The following SMAD1 variants were observed in gnomAD, a reference collection of about 807,000 sequenced individuals.
SMAD1 encodes the protein SMAD family member 1, also known as MAD, mothers against decapentaplegic homolog 1.
A neutral mutation model predicts 41.6 loss-of-function variants in SMAD1; 6 were observed. The ratio of observed to expected loss-of-function variants is 0.14; its 90% CI spans 0.08 to 0.28. The LOEUF is 0.28. Among genes scored for constraint, SMAD1 ranks in the 10% least tolerant of loss-of-function variants. SMAD1 has a pLI of 1.00. For synonymous variants in SMAD1, 206 were observed against 203.2 expected, an observed-to-expected ratio of 1.01 and a Z score of -0.12; for missense variants, 379 against 582.6, an observed-to-expected ratio of 0.65 and a Z score of 3.60.
intron 1 of SMAD1, chr4:145,497,571 C>G (rs1314242955): frequency 6.6e-6 from 1 of 152,160 alleles, no homozygotes. Flanking sequence ...AAACGAAAGC[C>G]TTCTTAGTAG....
intron 2 of SMAD1, among the ~76,000 whole-genome samples, chr4:145,519,382 C>G (rs1730601828): frequency 7.1e-6 from 1 of 141,310 alleles, no homozygotes; most frequent in Non-Finnish European, 1.6e-5. Flanking sequence ...AGGCGTGAGC[C>G]ACTGAGCCCA....
At position 145,488,225 on chromosome 4, in the gene SMAD1, G is replaced by A. The variant is rs576548779; in HGVS notation, c.-177+6187G>A. Reference sequence around the variant, plus strand: ...GGATCTGAAGAAAGAACATACAATTGTTAATTATGCATGTATATGCTTTTG... The same window carrying A: ...GGATCTGAAGAAAGAACATACAATTATTAATTATGCATGTATATGCTTTTG... On this transcript the variant is annotated intron_variant, in intron 1 of 6. Transcript: ENST00000302085. Among the ~76,000 whole-genome samples, 3 of 152,022 alleles carry A rather than the reference G, an allele frequency of 2.0e-5. No homozygotes were observed. In the East Asian group the frequency reaches 5.8e-4, roughly 29 times the overall value.
intron 6 of SMAD1, among the ~76,000 whole-genome samples, chr4:145,556,374 A>G (rs1421444571): frequency 1.3e-5 from 2 of 152,212 alleles, no homozygotes; most frequent in African/African-American, 4.8e-5. Context: ...GCATGAGTGT[A>G]CATACATCTA....
At chr4:145,524,467 C>G (rs955558398) in intron 2 of SMAD1, among the ~76,000 whole-genome samples, 3 of 151,984 alleles carry the variant, frequency 2.0e-5, no homozygotes, top group African/African-American at 7.3e-5. Flanking sequence ...TGTTATACAT[C>G]GATGGAAGCA....
chr4:145,522,168 C>T (rs959332260), intron 2 of SMAD1, among the ~76,000 whole-genome samples: 7 of 151,714 alleles, frequency 4.6e-5, no homozygotes, highest in Admixed American at 1.3e-4. Flanking sequence ...GGCGAGGTGG[C>T]GGGCGCCTGT....
At chr4:145,525,506 A>G (rs891308380) in intron 2 of SMAD1, among the ~76,000 whole-genome samples, 1 of 152,146 alleles carries the variant, frequency 6.6e-6, no homozygotes, top group African/African-American at 2.4e-5. Flanking sequence ...TAAAACCCCC[A>G]CATTTTGTTA....
intron 5 of SMAD1, among the ~76,000 whole-genome samples, chr4:145,550,781 C>T (rs963899039): frequency 3.9e-4 from 60 of 152,222 alleles, no homozygotes; most frequent in African/African-American, 1.2e-3. Flanking sequence ...TATCCCCTTC[C>T]CAATAGCCAC....
intron 6 of SMAD1, 104 bp from the exon 7 acceptor site, chr4:145,557,687 T>C: frequency 1.2e-6 from 1 of 828,320 alleles, no homozygotes; most frequent in East Asian, 2.7e-5. Flanking sequence ...GGAGGAAAGA[T>C]GCATAGCTTT....
At chr4:145,545,065 A>G (rs1732170645) in intron 4 of SMAD1, 1 of 151,468 alleles carries the variant, frequency 6.6e-6, no homozygotes, top group Non-Finnish European at 1.5e-5. Context: ...TTTTTTTTTA[A>G]CTTGTTTTTA....
chr4:145,511,356 C>A (rs1209386203), intron 1 of SMAD1, among the ~76,000 whole-genome samples: 3 of 152,144 alleles, frequency 2.0e-5, no homozygotes, highest in Admixed American at 2.0e-4. Flanking sequence ...TAACACCTAT[C>A]ATAACTCCTA....
intron 1 of SMAD1, among the ~76,000 whole-genome samples, chr4:145,493,825 T>G (rs969668517): frequency 6.6e-6 from 1 of 152,260 alleles, no homozygotes; most frequent in African/African-American, 2.4e-5. Context: ...TTTTCTGCCC[T>G]GAAGAAGCAA....
intron 6 of SMAD1, among the ~76,000 whole-genome samples, chr4:145,554,657 T>C (rs1168190460): frequency 1.3e-5 from 2 of 152,180 alleles, no homozygotes; most frequent in African/African-American, 4.8e-5. Context: ...GTTAAAGACA[T>C]TGCTCATAAT....
At chr4:145,516,180 T>G (rs2126418755) in intron 2 of SMAD1, among the ~76,000 whole-genome samples, 1 of 152,320 alleles carries the variant, frequency 6.6e-6, no homozygotes, top group African/African-American at 2.4e-5. Context: ...AATCTGACGC[T>G]TATCATTCTC....
At chr4:145,531,134 G>A (rs1731297210) in intron 2 of SMAD1, among the ~76,000 whole-genome samples, 1 of 152,208 alleles carries the variant, frequency 6.6e-6, no homozygotes, top group South Asian at 2.1e-4. Flanking sequence ...AGGGGTTTAG[G>A]CTGTTATATA....
At chr4:145,519,437 G>A (rs1730611764) in intron 2 of SMAD1, among the ~76,000 whole-genome samples, 1 of 150,510 alleles carries the variant, frequency 6.6e-6, no homozygotes, top group African/African-American at 2.4e-5. Flanking sequence ...TTTTTGGTGA[G>A]TACATTTAAA....
chr4:145,551,641 A>G (rs1732561038), intron 5 of SMAD1, among the ~76,000 whole-genome samples: 1 of 152,214 alleles, frequency 6.6e-6, no homozygotes, highest in Non-Finnish European at 1.5e-5. Context: ...TCACAAGAGA[A>G]ACGCAGATGG....
chr4:145,558,089 A>G lies in SMAD1; in HGVS notation c.*155A>G, dbSNP rs529932698. 7 of 413,180 alleles carry G rather than the reference A, an allele frequency of 1.7e-5. No homozygotes were observed. Among genetic ancestry groups the G allele is most frequent in the African/African-American group, 1.4e-4 (7 of 49,758 alleles). The allele number at this position is 413,180 out of a possible 1,614,324, so 25.6% of individuals were successfully genotyped here. A position where few individuals can be genotyped will look rare whatever the true frequency, so the allele number is the denominator to read the frequency against. On this transcript the variant is annotated 3_prime_UTR_variant, in exon 7 of 7. Transcript: ENST00000302085. ...ATTCAGAAATTTAAACAAAAAAAAAAAAAAACACACACACCTTGGTAACAT... is the reference window on the plus strand; with the variant it reads ...ATTCAGAAATTTAAACAAAAAAAAAGAAAAACACACACACCTTGGTAACAT...
intron 2 of SMAD1, among the ~76,000 whole-genome samples, chr4:145,534,577 G>A (rs1731506806): frequency 6.6e-6 from 1 of 152,182 alleles, no homozygotes; most frequent in Non-Finnish European, 1.5e-5. Flanking sequence ...GACTAGAACA[G>A]GATGAAATGT....
At chr4:145,547,973 A>G (rs925798409) in intron 5 of SMAD1, among the ~76,000 whole-genome samples, 4 of 152,192 alleles carry the variant, frequency 2.6e-5, no homozygotes, top group Non-Finnish European at 5.9e-5. Context: ...ATCATCGCTA[A>G]TACCATGTCC....
Sources: allele counts gnomAD v4.1 joint callset (sites outside exome capture counted in the v4.1 genomes callset), GRCh38; gene constraint gnomAD v4.1.1; transcripts MANE v1.5; gene names NCBI Gene and HGNC (gene_info 2026-07-23, HGNC 2026-07-21).